The following NBEA variants were observed in gnomAD, a reference collection of about 807,000 sequenced individuals.
The protein encoded by NBEA is neurobeachin, also known as lysosomal-trafficking regulator 2.
A neutral mutation model predicts 343.4 loss-of-function variants in NBEA; 44 were observed. That is an observed-to-expected ratio of 0.13 (90% confidence interval 0.10 to 0.16). The LOEUF (loss-of-function observed/expected upper bound fraction) is 0.16. Ranked by LOEUF, NBEA falls within the 10% of genes least tolerant of loss-of-function variation. The probability of loss-of-function intolerance (pLI) is 1.00; values close to 1 mark genes in which losing one functional copy is unlikely to be tolerated. For missense variants in NBEA, 2,555 were observed against 3,631.3 expected, an observed-to-expected ratio of 0.70 and a Z score of 7.62; for synonymous variants, 1,175 against 1,238.7, an observed-to-expected ratio of 0.95 and a Z score of 1.08.
intron 1 of NBEA, among the ~76,000 whole-genome samples, chr13:34,943,940 G>T (rs1382059311): frequency 6.6e-6 from 1 of 152,158 alleles, no homozygotes; most frequent in Non-Finnish European, 1.5e-5. Flanking sequence ...AATGTTTTGC[G>T]CTATCTACAG....
chr13:35,659,938 T>A (rs1265230620), intron 55 of NBEA, among the ~76,000 whole-genome samples: 1 of 152,216 alleles, frequency 6.6e-6, no homozygotes, highest in South Asian at 2.1e-4. Context: ...AGCAGCCTAC[T>A]GCATGAAAGA....
chr13:34,951,026 A>G (rs988765950), intron 1 of NBEA, among the ~76,000 whole-genome samples: 2 of 152,202 alleles, frequency 1.3e-5, no homozygotes, highest in African/African-American at 4.8e-5. Context: ...GCAAGTTAAA[A>G]TAATCTTAAA....
At position 35,555,154 on chromosome 13, in the gene NBEA, A is replaced by G. The variant is rs940208446; in HGVS notation, c.6922+52A>G. 22 of 1,022,084 alleles carry G rather than the reference A, an allele frequency of 2.2e-5. No homozygotes were observed. In the African/African-American group the frequency reaches 2.9e-4, roughly 14 times the overall value. 63.3% of individuals were successfully genotyped at this position (1,022,084 alleles called of 1,614,324 possible). A position where few individuals can be genotyped will look rare whatever the true frequency, so the allele number is the denominator to read the frequency against. On this transcript the variant is annotated intron_variant, in intron 44 of 58. Coordinates refer to ENST00000379939, the MANE Select transcript of NBEA (RefSeq NM_001385012.1). ...TAATATGTTTATGTTCATCAAAATC[A>G]TGGTAATGTAGCCTGATATAATACA... is the stretch of plus-strand genomic sequence containing the variant.
At chr13:35,368,453 T>A (rs1429476547) in intron 38 of NBEA, among the ~76,000 whole-genome samples, 1 of 151,670 alleles carries the variant, frequency 6.6e-6, no homozygotes, top group Non-Finnish European at 1.5e-5. Context: ...CACTTTTCAT[T>A]GTTTGAATTT....
At chr13:35,311,141 C>A (rs2037334167) in intron 36 of NBEA, among the ~76,000 whole-genome samples, 1 of 152,088 alleles carries the variant, frequency 6.6e-6, no homozygotes, top group Non-Finnish European at 1.5e-5. Flanking sequence ...TACATAACAG[C>A]ACTCACCATG....
At chr13:34,980,485 A>ATTTAT (rs2060321558) in intron 1 of NBEA, among the ~76,000 whole-genome samples, 1 of 139,340 alleles carries the variant, frequency 7.2e-6, no homozygotes, top group South Asian at 2.3e-4. Context: ...TATTTATTTA[A>ATTTAT]ATGCTATTTG....
intron 8 of NBEA, among the ~76,000 whole-genome samples, chr13:35,067,599 C>G (rs1222074401): frequency 6.6e-6 from 1 of 152,066 alleles, no homozygotes; most frequent in Non-Finnish European, 1.5e-5. Context: ...TTTGCAGTCA[C>G]TCCTCATTCT....
intron 41 of NBEA, chr13:35,476,486 G>A (rs1476564713): frequency 6.8e-6 from 5 of 738,072 alleles, no homozygotes; most frequent in Non-Finnish European, 1.1e-5. Context: ...CACCTTCTCA[G>A]GAATAAAAAA....
chr13:35,212,568 G>A (rs1350988793), intron 33 of NBEA, among the ~76,000 whole-genome samples: 1 of 151,966 alleles, frequency 6.6e-6, no homozygotes, highest in African/African-American at 2.4e-5. Flanking sequence ...TTGCTGATTC[G>A]TAGTGTTTGT....
At chr13:35,524,385 T>G (rs2077868731) in intron 41 of NBEA, among the ~76,000 whole-genome samples, 1 of 152,246 alleles carries the variant, frequency 6.6e-6, no homozygotes, top group Non-Finnish European at 1.5e-5. Flanking sequence ...TCCAAGCCCT[T>G]GTACTGCCTT....
intron 7 of NBEA, among the ~76,000 whole-genome samples, chr13:35,056,632 G>C (rs1397809515): frequency 2.0e-5 from 3 of 152,206 alleles, no homozygotes; most frequent in South Asian, 2.1e-4. Flanking sequence ...TATTCAGTGG[G>C]AACAGTGAGT....
At chr13:35,638,365 A>T (rs1270969415) in intron 49 of NBEA, among the ~76,000 whole-genome samples, 1 of 152,196 alleles carries the variant, frequency 6.6e-6, no homozygotes, top group East Asian at 1.9e-4. Context: ...GAACAAGGGA[A>T]AGCGACAAGG....
intron 1 of NBEA, among the ~76,000 whole-genome samples, chr13:34,999,638 G>A (rs1200473143): frequency 6.6e-6 from 1 of 152,056 alleles, no homozygotes; most frequent in Non-Finnish European, 1.5e-5. Flanking sequence ...GTGGAAGCCT[G>A]TGTGTGAATT....
At chr13:34,983,503 G>T (rs1446693551) in intron 1 of NBEA, among the ~76,000 whole-genome samples, 1 of 152,150 alleles carries the variant, frequency 6.6e-6, no homozygotes, top group Non-Finnish European at 1.5e-5. Context: ...TGTCTTTATA[G>T]TAGTATGATT....
intron 36 of NBEA, among the ~76,000 whole-genome samples, chr13:35,327,532 A>G (rs906916729): frequency 3.9e-5 from 6 of 152,078 alleles, no homozygotes; most frequent in African/African-American, 1.4e-4. Flanking sequence ...TGGAACAGAA[A>G]ACAAAGTACC....
At chr13:35,407,849 A>G (rs1301389956) in intron 38 of NBEA, among the ~76,000 whole-genome samples, 3 of 152,202 alleles carry the variant, frequency 2.0e-5, no homozygotes, top group African/African-American at 7.2e-5. Context: ...CCACTGCTCA[A>G]AGAAATGAGA....
intron 49 of NBEA, among the ~76,000 whole-genome samples, chr13:35,632,381 GCCTTCCCCAA>G (rs1425345716): frequency 6.6e-6 from 1 of 152,054 alleles, no homozygotes; most frequent in African/African-American, 2.4e-5. Flanking sequence ...CAGCCTCTCA[GCCTTCCCCAA>G]CCTACTAAAT....
intron 38 of NBEA, among the ~76,000 whole-genome samples, chr13:35,427,138 A>G (rs918526826): frequency 2.0e-5 from 3 of 152,126 alleles, no homozygotes; most frequent in Non-Finnish European, 2.9e-5. Flanking sequence ...CAACTCGTCA[A>G]AGTCATTCTC....
chr13:35,474,012 A>G (rs931087499), intron 41 of NBEA, among the ~76,000 whole-genome samples: 1 of 152,180 alleles, frequency 6.6e-6, no homozygotes. Context: ...TTGTCTTACA[A>G]GTAAGTTAGA....
Sources: gnomAD v4.1 joint callset for allele counts (sites outside exome capture counted in the v4.1 genomes callset) on GRCh38, gnomAD v4.1.1 for gene constraint, MANE v1.5 for transcripts, NCBI Gene and HGNC (gene_info 2026-07-23, HGNC 2026-07-21) for gene names.